Variants in FNDC3B observed in about 807,000 individuals in gnomAD.
FNDC3B encodes fibronectin type III domain-containing protein 3B.
In FNDC3B, 12 loss-of-function variants were observed where a neutral mutation model predicts 151.5. The ratio of observed to expected loss-of-function variants is 0.08; its 90% CI spans 0.05 to 0.13. The LOEUF is 0.13. Ranked by LOEUF, FNDC3B falls within the 10% of genes least tolerant of loss-of-function variation. The pLI is 1.00. For missense variants in FNDC3B, 1,214 were observed against 1,505.3 expected (o/e 0.81, Z 3.20); for synonymous variants, 528 against 549.0 (o/e 0.96, Z 0.54).
At chr3:172,071,107 T>G (rs1193050448) in intron 1 of FNDC3B, among the ~76,000 whole-genome samples, 1 of 152,182 alleles carries the variant, frequency 6.6e-6, no homozygotes, top group Admixed American at 6.5e-5. Flanking sequence ...TAAAAATTAG[T>G]CTATTTTTCA....
intron 11 of FNDC3B, among the ~76,000 whole-genome samples, chr3:172,324,471 C>T (rs541534327): frequency 1.3e-5 from 2 of 152,312 alleles, no homozygotes; most frequent in African/African-American, 2.4e-5. Flanking sequence ...AAACAACCCA[C>T]GTTTGCAATG....
intron 11 of FNDC3B, among the ~76,000 whole-genome samples, chr3:172,313,678 C>T (rs892079261): frequency 2.6e-5 from 4 of 152,176 alleles, no homozygotes; most frequent in South Asian, 4.1e-4. Context: ...AAATAAAACA[C>T]GTTGCCATAT....
intron 12 of FNDC3B, chr3:172,329,309 A>G: frequency 4.8e-6 from 2 of 420,064 alleles, no homozygotes; most frequent in East Asian, 3.5e-5. Context: ...AGGGGTCTCT[A>G]AGAACCAAGG....
At chr3:172,378,141 TTATTAATTCAGAA>T (rs1403643902) in intron 23 of FNDC3B, 116 bp from the exon 24 acceptor site, 1 of 663,196 alleles carries the variant, frequency 1.5e-6, no homozygotes, top group Non-Finnish European at 2.5e-6. Flanking sequence ...AACTGGCTGA[TTATTAATTCAGAA>T]TGTATGGAAA....
chr3:172,238,361 G>T (rs773028643), intron 4 of FNDC3B, among the ~76,000 whole-genome samples: 82 of 152,088 alleles, frequency 5.4e-4, no homozygotes, highest in Non-Finnish European at 1.0e-3. Context: ...TTGCCACGTT[G>T]CCCAGTCTGG....
intron 1 of FNDC3B, among the ~76,000 whole-genome samples, chr3:172,060,141 T>C (rs181420912): frequency 5.3e-5 from 8 of 152,348 alleles, no homozygotes; most frequent in Non-Finnish European, 7.3e-5. Flanking sequence ...AGAACCCTCA[T>C]AGTCAGTGGG....
At chr3:172,329,618 A>G (rs929034040) in intron 12 of FNDC3B, 2 of 152,282 alleles carry the variant, frequency 1.3e-5, no homozygotes, top group African/African-American at 4.8e-5. Flanking sequence ...AGAGGCTTTG[A>G]AAAGGCCATG....
At chr3:172,288,840 C>G (rs1730162254) in intron 7 of FNDC3B, among the ~76,000 whole-genome samples, 1 of 152,294 alleles carries the variant, frequency 6.6e-6, no homozygotes, top group East Asian at 1.9e-4. Context: ...TTGGTGCTAA[C>G]CACCCTGCAT....
chr3:172,166,502 C>G (rs1294265427), intron 3 of FNDC3B, among the ~76,000 whole-genome samples: 1 of 152,160 alleles, frequency 6.6e-6, no homozygotes, highest in African/African-American at 2.4e-5. Flanking sequence ...TTGTTCCAGC[C>G]TTGCTGGAAT....
chr3:172,165,410 G>A (rs1722959752), intron 3 of FNDC3B, among the ~76,000 whole-genome samples: 1 of 152,202 alleles, frequency 6.6e-6, no homozygotes, highest in Non-Finnish European at 1.5e-5. Flanking sequence ...TAGTTTCAAG[G>A]AAAAGTGAAT....
At chr3:172,239,423 A>G (rs1303128999) in intron 4 of FNDC3B, among the ~76,000 whole-genome samples, 1 of 152,160 alleles carries the variant, frequency 6.6e-6, no homozygotes, top group Non-Finnish European at 1.5e-5. Flanking sequence ...ATTCAGCCTG[A>G]GCCTGACTTT....
intron 16 of FNDC3B, chr3:172,337,659 T>C: frequency 2.3e-6 from 1 of 428,874 alleles, no homozygotes; most frequent in Non-Finnish European, 4.2e-6. Flanking sequence ...GTTTTGTTTA[T>C]CTTTTGTTTT....
chr3:172,198,136 ACATCTTTTCT>A (rs1724940189), intron 3 of FNDC3B, among the ~76,000 whole-genome samples: 2 of 152,174 alleles, frequency 1.3e-5, no homozygotes, highest in African/African-American at 4.8e-5. Context: ...TTCTTTGAGC[ACATCTTTTCT>A]GGTTCAAAGA....
At chr3:172,102,541 T>C (rs1287384138) in intron 1 of FNDC3B, among the ~76,000 whole-genome samples, 1 of 152,176 alleles carries the variant, frequency 6.6e-6, no homozygotes, top group Non-Finnish European at 1.5e-5. Flanking sequence ...TATCTGGAAG[T>C]CATGTACTTA....
At chr3:172,195,387 A>C (rs1244113606) in intron 3 of FNDC3B, among the ~76,000 whole-genome samples, 1 of 152,238 alleles carries the variant, frequency 6.6e-6, no homozygotes, top group African/African-American at 2.4e-5. Context: ...CAAATGGTAC[A>C]CTATGTAGCA....
At position 172,347,491 on chromosome 3, in the gene FNDC3B, A is replaced by G. The variant is rs931149156; in HGVS notation, c.2514+130A>G. 4 of 586,770 alleles carry G rather than the reference A, an allele frequency of 6.8e-6. No individual in the cohort carries two copies. The African/African-American group carries it at 7.7e-5, about 11-fold the overall frequency. The allele number at this position is 586,770 out of a possible 1,614,324, so 36.3% of individuals were successfully genotyped here. A position where few individuals can be genotyped will look rare whatever the true frequency, so the allele number is the denominator to read the frequency against. ...GATATGGAAAAAAAGAGTCCATTTAAATAAAAATATATTTGGTTGTTTTGG... is the reference window on the plus strand; with the variant it reads ...GATATGGAAAAAAAGAGTCCATTTAGATAAAAATATATTTGGTTGTTTTGG... On this transcript the variant is annotated intron_variant, in intron 21 of 25. Transcript: ENST00000415807.
intron 1 of FNDC3B, among the ~76,000 whole-genome samples, chr3:172,059,768 C>T (rs1270103059): frequency 1.3e-5 from 2 of 152,148 alleles, no homozygotes; most frequent in Admixed American, 1.3e-4. Context: ...TAACTTTTAG[C>T]ATAATGATAC....
chr3:172,360,385 C>T (rs1001178696), intron 22 of FNDC3B, among the ~76,000 whole-genome samples: 1 of 152,148 alleles, frequency 6.6e-6, no homozygotes, highest in South Asian at 2.1e-4. Context: ...CACATACATT[C>T]TTCCAGTCTC....
chr3:172,067,705 T>TA (rs1314921928), intron 1 of FNDC3B, among the ~76,000 whole-genome samples: 2 of 152,122 alleles, frequency 1.3e-5, no homozygotes, highest in African/African-American at 4.8e-5. Flanking sequence ...AAAAATTACT[T>TA]AACAGGCCCA....
Sources: allele counts gnomAD v4.1 joint callset (sites outside exome capture counted in the v4.1 genomes callset), GRCh38; gene constraint gnomAD v4.1.1; transcripts MANE v1.5; gene names NCBI Gene and HGNC (gene_info 2026-07-23, HGNC 2026-07-21).